Variants in KAZN observed in about 807,000 individuals in gnomAD.
The protein encoded by KAZN is kazrin, periplakin interacting protein.
In KAZN, 40 loss-of-function variants were observed where a neutral mutation model predicts 87.4. The ratio of observed to expected loss-of-function variants is 0.46; its 90% confidence interval spans 0.36 to 0.60. KAZN has a LOEUF of 0.60. Ranked by LOEUF, KAZN falls within the 20% of genes least tolerant of loss-of-function variation. The pLI, the probability that KAZN is intolerant of heterozygous loss-of-function variation, is 0.00. For missense variants in KAZN, 898 were observed against 1,073.9 expected, an observed-to-expected ratio of 0.84 and a Z score of 2.29; for synonymous variants, 466 against 458.3, an observed-to-expected ratio of 1.02 and a Z score of -0.22.
chr1:14,812,707 G>A (rs528646163), intron 1 of KAZN, among the ~76,000 whole-genome samples: 1 of 152,060 alleles, frequency 6.6e-6, no homozygotes, highest in South Asian at 2.1e-4. Flanking sequence ...TAGAGATGAG[G>A]TCTCACTATG....
intron 1 of KAZN, among the ~76,000 whole-genome samples, chr1:14,069,840 A>G (rs190834323): frequency 6.6e-6 from 1 of 152,256 alleles, no homozygotes; most frequent in African/African-American, 2.4e-5. Context: ...CCACTTGCGT[A>G]TTGCTCTCTC....
chr1:15,014,110 A>G (rs1199666789), intron 2 of KAZN, among the ~76,000 whole-genome samples: 3 of 152,100 alleles, frequency 2.0e-5, no homozygotes, highest in Non-Finnish European at 4.4e-5. Context: ...GGTCCAAGAA[A>G]AGGGCTGAAA....
chr1:14,739,661 T>C (rs1644024377), intron 1 of KAZN, among the ~76,000 whole-genome samples: 1 of 150,704 alleles, frequency 6.6e-6, no homozygotes, highest in South Asian at 2.1e-4. Flanking sequence ...ACCACCAACT[T>C]CCCCTTTTTT....
chr1:15,056,081 C>T lies in KAZN; in HGVS notation c.727-10C>T, dbSNP rs1638248878. 2 of 1,589,828 alleles carry T rather than the reference C, an allele frequency of 1.3e-6. No homozygotes were observed. The highest frequency in any genetic ancestry group is 2.2e-5 in the South Asian group (2 of 89,928). ...ATGACTTCTTCTTCCTGTCTTCTTG[C>T]TCTCTCCAGGCCAAACAGTCCTTAG... On this transcript the variant is annotated splice_polypyrimidine_tract_variant and intron_variant, in intron 4 of 14. Coordinates refer to ENST00000376030, the MANE Select transcript of KAZN (RefSeq NM_201628.3). The surrounding 1 kb of genome is among the most constrained non-coding windows in gnomAD (Gnocchi z 5.4).
At chr1:14,297,312 A>T (rs536626142) in intron 2 of KAZN, among the ~76,000 whole-genome samples, 1 of 152,350 alleles carries the variant, frequency 6.6e-6, no homozygotes, top group Non-Finnish European at 1.5e-5. Flanking sequence ...GAAAAACAGC[A>T]AAAGGGAGGC....
intron 1 of KAZN, chr1:14,924,638 G>A (rs1438793328): frequency 1.1e-6 from 1 of 877,632 alleles, no homozygotes; most frequent in Non-Finnish European, 1.4e-6. Flanking sequence ...GCCGGGGCCG[G>A]GCGCGCGAGG....
intron 1 of KAZN, among the ~76,000 whole-genome samples, chr1:14,029,162 C>A (rs1641213427): frequency 1.6e-5 from 2 of 124,086 alleles, no homozygotes; most frequent in Non-Finnish European, 3.4e-5. Context: ...TAATGATTGC[C>A]ATTCTAACTG....
At chr1:14,563,520 C>T (rs35069713) in intron 2 of KAZN, among the ~76,000 whole-genome samples, 1 of 152,214 alleles carries the variant, frequency 6.6e-6, no homozygotes, top group African/African-American at 2.4e-5. Context: ...CTGTCCCAAA[C>T]CTATCATGGC....
chr1:14,768,337 C>T (rs532036524), intron 1 of KAZN, among the ~76,000 whole-genome samples: 1 of 152,216 alleles, frequency 6.6e-6, no homozygotes, highest in East Asian at 1.9e-4. Flanking sequence ...ATCTCATGTG[C>T]CAAGATCAAT....
chr1:14,431,619 T>C (rs1225972245), intron 2 of KAZN, among the ~76,000 whole-genome samples: 1 of 152,178 alleles, frequency 6.6e-6, no homozygotes, highest in Non-Finnish European at 1.5e-5. Context: ...GCTGCCAGCA[T>C]TGCTAGAACA....
At chr1:13,981,111 G>A (rs12740421) in intron 1 of KAZN, among the ~76,000 whole-genome samples, 1,096 of 23,702 alleles carry the variant, frequency 0.046, 3 homozygotes, top group Middle Eastern at 0.083. Flanking sequence ...ATATATATAT[G>A]TATATATAAA....
At chr1:14,267,194 T>C (rs1651548345) in intron 2 of KAZN, among the ~76,000 whole-genome samples, 1 of 151,902 alleles carries the variant, frequency 6.6e-6, no homozygotes, top group Non-Finnish European at 1.5e-5. Flanking sequence ...ATTTTAAAAA[T>C]ACAGTGTAAC....
chr1:14,891,932 A>T (rs938684266), intron 1 of KAZN, among the ~76,000 whole-genome samples: 3 of 152,164 alleles, frequency 2.0e-5, no homozygotes, highest in African/African-American at 7.2e-5. Flanking sequence ...GGCTCTGATT[A>T]TGTGAGGCTT....
chr1:14,442,662 C>G (rs1666767837), intron 2 of KAZN, among the ~76,000 whole-genome samples: 1 of 152,168 alleles, frequency 6.6e-6, no homozygotes, highest in African/African-American at 2.4e-5. Flanking sequence ...GCCTGGAATT[C>G]CATTTATTTT....
intron 2 of KAZN, among the ~76,000 whole-genome samples, chr1:14,240,901 A>C (rs1648880652): frequency 6.6e-6 from 1 of 152,170 alleles, no homozygotes; most frequent in Non-Finnish European, 1.5e-5. Flanking sequence ...CCATTTCCTG[A>C]GTTTAAATAC....
intron 2 of KAZN, among the ~76,000 whole-genome samples, chr1:14,457,480 CTTTA>C (rs1471412900): frequency 2.6e-5 from 4 of 152,200 alleles, no homozygotes; most frequent in Non-Finnish European, 5.9e-5. Context: ...CATCTGCTAA[CTTTA>C]TTCATAATGT....
chr1:14,948,508 A>G (rs884813), intron 1 of KAZN, among the ~76,000 whole-genome samples: 5,272 of 152,262 alleles, frequency 0.035, 315 homozygotes, highest in African/African-American at 0.12. Flanking sequence ...AGGGTGATTC[A>G]GTAATCTCAT....
At chr1:14,008,921 CT>C (rs1204506488) in intron 1 of KAZN, among the ~76,000 whole-genome samples, 2 of 152,166 alleles carry the variant, frequency 1.3e-5, no homozygotes, top group Non-Finnish European at 2.9e-5. Context: ...CTCTTTTCAT[CT>C]TGTAAAATGG....
intron 1 of KAZN, among the ~76,000 whole-genome samples, chr1:14,174,860 A>G (rs114960645): frequency 0.027 from 4,092 of 152,246 alleles, 191 homozygotes; most frequent in African/African-American, 0.093. Context: ...AACTCTGTAC[A>G]GGTGGGAAAA....
Sources: gnomAD v4.1 joint callset for allele counts (sites outside exome capture counted in the v4.1 genomes callset) on GRCh38, gnomAD v4.1.1 for gene constraint, Gnocchi (gnomAD v3.1) non-coding constraint, MANE v1.5 for transcripts, NCBI Gene and HGNC (gene_info 2026-07-23, HGNC 2026-07-21) for gene names.